The following EXT1 variants were observed in gnomAD, a reference collection of about 807,000 sequenced individuals.
EXT1 encodes the protein exostosin glycosyltransferase 1, also known as exostosin-1.
In EXT1, 20 loss-of-function variants were observed where a neutral mutation model predicts 82.5. That is an observed-to-expected ratio of 0.24 (90% confidence interval 0.17 to 0.35). EXT1 has a LOEUF of 0.35. Ranked by LOEUF, EXT1 falls within the 10% of genes least tolerant of loss-of-function variation. The pLI is 1.00. For missense variants in EXT1, 757 were observed against 936.5 expected, an observed-to-expected ratio of 0.81 and a Z score of 2.50; for synonymous variants, 348 against 350.8, an observed-to-expected ratio of 0.99 and a Z score of 0.09.
intron 7 of EXT1, among the ~76,000 whole-genome samples, chr8:117,813,838 T>G (rs1325154809): frequency 2.0e-5 from 3 of 151,990 alleles, no homozygotes; most frequent in Non-Finnish European, 4.4e-5. Flanking sequence ...AAACCCTGAC[T>G]CTACTAAAAA....
intron 1 of EXT1, among the ~76,000 whole-genome samples, chr8:117,998,170 T>G (rs1024279027): frequency 6.6e-6 from 1 of 151,846 alleles, no homozygotes; most frequent in Non-Finnish European, 1.5e-5. Flanking sequence ...CCCACCAACA[T>G]GCCCGGCTAA....
chr8:117,804,286 T>C (rs111772892), intron 10 of EXT1, among the ~76,000 whole-genome samples: 33 of 152,316 alleles, frequency 2.2e-4, no homozygotes, highest in South Asian at 6.2e-4. Flanking sequence ...GAAGACACAA[T>C]GAGCAGAGGG....
intron 1 of EXT1, among the ~76,000 whole-genome samples, chr8:118,087,317 C>T (rs1817439231): frequency 6.6e-6 from 1 of 152,190 alleles, no homozygotes; most frequent in South Asian, 2.1e-4. Context: ...TGAATCGTTT[C>T]ATCAGATATT....
In EXT1 at chr8:117,838,844, G is replaced by A. The variant is rs894465641; in HGVS notation, c.963-1643C>T. On this transcript the variant is annotated intron_variant, in intron 1 of 10. Transcript: ENST00000378204. ...GCTGATTTTTTTTTAATACAGAAAGGTCGAATATACTTCAGACTACAGCAA... is the reference window on the plus strand; with the variant it reads ...GCTGATTTTTTTTTAATACAGAAAGATCGAATATACTTCAGACTACAGCAA... 3.9e-5 allele frequency among the ~76,000 whole-genome samples: 6 copies of A among 152,036 alleles called. No homozygotes were observed. The East Asian group carries it at 1.2e-3, about 29-fold the overall frequency.
At chr8:117,956,441 T>C (rs1814587317) in intron 1 of EXT1, among the ~76,000 whole-genome samples, 1 of 152,082 alleles carries the variant, frequency 6.6e-6, no homozygotes, top group Admixed American at 6.6e-5. Context: ...TGCTTTCTCA[T>C]CTTAAACTCT....
intron 1 of EXT1, among the ~76,000 whole-genome samples, chr8:118,089,368 T>C (rs1240466421): frequency 6.6e-6 from 1 of 152,218 alleles, no homozygotes; most frequent in Non-Finnish European, 1.5e-5. Context: ...GACTCCCTTA[T>C]AGCTGTAAAA....
At chr8:118,073,231 A>C (rs943105679) in intron 1 of EXT1, among the ~76,000 whole-genome samples, 9 of 152,250 alleles carry the variant, frequency 5.9e-5, no homozygotes, top group African/African-American at 2.2e-4. Flanking sequence ...TATGCTATAC[A>C]TTAGTGACAT....
intron 1 of EXT1, among the ~76,000 whole-genome samples, chr8:117,935,274 C>A (rs1814137172): frequency 6.6e-6 from 1 of 151,788 alleles, no homozygotes; most frequent in African/African-American, 2.4e-5. Context: ...AGGCATTCCT[C>A]CACTTCCCAA....
At chr8:117,811,525 G>A (rs1823323326) in intron 8 of EXT1, among the ~76,000 whole-genome samples, 1 of 152,130 alleles carries the variant, frequency 6.6e-6, no homozygotes, top group African/African-American at 2.4e-5. Flanking sequence ...ACAAGGTGAG[G>A]TCCAGGACAT....
intron 1 of EXT1, among the ~76,000 whole-genome samples, chr8:118,027,646 T>C (rs1816228205): frequency 6.6e-6 from 1 of 152,224 alleles, no homozygotes; most frequent in Non-Finnish European, 1.5e-5. Flanking sequence ...TTAGCAATTG[T>C]CTAGAGAAAC....
chr8:118,108,666 G>A (rs1397353263), intron 1 of EXT1, among the ~76,000 whole-genome samples: 1 of 152,184 alleles, frequency 6.6e-6, no homozygotes, highest in Non-Finnish European at 1.5e-5. Context: ...CTGAATCTGA[G>A]TGCTTGATAC....
chr8:117,929,280 T>C (rs1396634944), intron 1 of EXT1, among the ~76,000 whole-genome samples: 11 of 151,996 alleles, frequency 7.2e-5, no homozygotes, highest in Non-Finnish European at 1.6e-4. Context: ...TAACATGAGC[T>C]CAAAAAAGAT....
chr8:118,060,458 G>A (rs1007456801), intron 1 of EXT1, among the ~76,000 whole-genome samples: 4 of 152,128 alleles, frequency 2.6e-5, no homozygotes, highest in Non-Finnish European at 5.9e-5. Context: ...AACCATCTCA[G>A]TTACCACTCT....
intron 1 of EXT1, among the ~76,000 whole-genome samples, chr8:118,002,381 C>CAAAAAA (rs772109456): frequency 8.2e-5 from 5 of 61,028 alleles, no homozygotes; most frequent in Admixed American, 5.9e-4. Flanking sequence ...ACTCCGTCTC[C>CAAAAAA]AAAAAAAAAA....
intron 1 of EXT1, among the ~76,000 whole-genome samples, chr8:117,892,463 G>T (rs985761758): frequency 6.6e-6 from 1 of 152,166 alleles, no homozygotes; most frequent in Non-Finnish European, 1.5e-5. Context: ...TTGTCAACTG[G>T]GAGACTGCTG....
chr8:117,965,373 C>T (rs1178853491), intron 1 of EXT1, among the ~76,000 whole-genome samples: 1 of 151,878 alleles, frequency 6.6e-6, no homozygotes. Context: ...GGAATCAGTG[C>T]CGCTAGTTGG....
Position 117,799,316 on chromosome 8 carries a change from C to T in EXT1, c.*396G>A. On this transcript the variant is annotated 3_prime_UTR_variant, in exon 11 of 11. Coordinates refer to ENST00000378204, the MANE Select transcript of EXT1 (RefSeq NM_000127.3). ...CCCTACATGGCCATGACAATGATGTCTGTGGGAAAAGGAATAGCAGCTTTG... is the reference window on the plus strand; with the variant it reads ...CCCTACATGGCCATGACAATGATGTTTGTGGGAAAAGGAATAGCAGCTTTG... 1 of 246,562 alleles carries T rather than the reference C, an allele frequency of 4.1e-6. No homozygotes were observed. The highest frequency in any genetic ancestry group is 8.1e-6 in the Non-Finnish European group (1 of 124,218). 15.3% of individuals were successfully genotyped at this position (246,562 alleles called of 1,614,324 possible). A position where few individuals can be genotyped will look rare whatever the true frequency, so the allele number is the denominator to read the frequency against.
At chr8:117,985,745 T>C (rs913200233) in intron 1 of EXT1, among the ~76,000 whole-genome samples, 1 of 152,248 alleles carries the variant, frequency 6.6e-6, no homozygotes, top group Admixed American at 6.5e-5. Flanking sequence ...AGTAACTACA[T>C]TGATTTCATT....
chr8:117,808,343 C>A (rs1288240567), intron 8 of EXT1, among the ~76,000 whole-genome samples: 1 of 152,148 alleles, frequency 6.6e-6, no homozygotes, highest in South Asian at 2.1e-4. Context: ...CTCACAATAC[C>A]CCTGTAAGGC....
Sources: gnomAD v4.1 joint callset for allele counts (sites outside exome capture counted in the v4.1 genomes callset) on GRCh38, gnomAD v4.1.1 for gene constraint, MANE v1.5 for transcripts, NCBI Gene and HGNC (gene_info 2026-07-23, HGNC 2026-07-21) for gene names.